Variants in CATSPERD observed in about 807,000 individuals in gnomAD.
CATSPERD encodes catsper channel auxiliary subunit delta.
In CATSPERD, 86 loss-of-function variants were observed where a neutral mutation model predicts 98.1. The ratio of observed to expected loss-of-function variants is 0.88; its 90% CI spans 0.74 to 1.05. The LOEUF (loss-of-function observed/expected upper bound fraction) is 1.05, where lower values mean the gene tolerates loss of function less well. Among genes scored for constraint, CATSPERD ranks in the 50% least tolerant of loss-of-function variants. The probability of loss-of-function intolerance (pLI) is 0.00; values close to 1 mark genes in which losing one functional copy is unlikely to be tolerated. For missense variants in CATSPERD, 995 were observed against 1,005.7 expected (o/e 0.99, Z 0.14); for synonymous variants, 394 against 390.2 (o/e 1.01, Z -0.12).
intron 7 of CATSPERD, among the ~76,000 whole-genome samples, chr19:5,743,011 A>AC (rs1217936457): frequency 6.6e-6 from 1 of 151,948 alleles, no homozygotes; most frequent in African/African-American, 2.4e-5. Context: ...GGATTAAATT[A>AC]AGGATCTTGA....
chr19:5,776,877 C>CAAA (rs35462774), intron 21 of CATSPERD, among the ~76,000 whole-genome samples: 6 of 119,544 alleles, frequency 5.0e-5, no homozygotes, highest in Non-Finnish European at 7.1e-5. Flanking sequence ...GACTCCATCT[C>CAAA]AAAAAAAAAA....
chr19:5,741,797 G>C (rs1323208626), intron 7 of CATSPERD, among the ~76,000 whole-genome samples: 1 of 90,242 alleles, frequency 1.1e-5, no homozygotes, highest in African/African-American at 3.6e-5. Flanking sequence ...GGGGGGGGGG[G>C]GTGGTGTGGA....
chr19:5,736,917 C>T lies in CATSPERD; in HGVS notation c.392-221C>T, dbSNP rs1252851050. Among the ~76,000 whole-genome samples the T allele has an allele frequency of 5.3e-5, 8 of 151,422 alleles. No homozygotes were observed. The South Asian group carries it at 1.5e-3, about 28-fold the overall frequency. ...CTAAAAATACAAAAAATTAGCCGGG[C>T]GTGGTGGTGGGTGCCTGTAGTCCCA... On this transcript the variant is annotated intron_variant, in intron 5 of 21. Transcript: ENST00000381624.
chr19:5,775,075 C>T (rs1328012688), intron 20 of CATSPERD, among the ~76,000 whole-genome samples: 8 of 152,164 alleles, frequency 5.3e-5, no homozygotes, highest in Admixed American at 5.2e-4. Flanking sequence ...ATTAAGCCTC[C>T]AGCCTCCACA....
intron 9 of CATSPERD, among the ~76,000 whole-genome samples, chr19:5,747,308 G>A (rs1403568879): frequency 6.6e-6 from 1 of 150,986 alleles, no homozygotes; most frequent in African/African-American, 2.4e-5. Flanking sequence ...CCAGTAACTG[G>A]GACTACAGGT....
At position 5,730,561 on chromosome 19, in the gene CATSPERD, A is replaced by AAAATAAATAAATAAATAAAT. The variant is rs71172757; in HGVS notation, c.276+635_276+636insATAAATAAATAAATAAATAA. 1.1e-4 allele frequency among the ~76,000 whole-genome samples: 16 copies of AAAATAAATAAATAAATAAAT among 149,288 alleles called. No individual in the cohort carries two copies. In the East Asian group the frequency reaches 2.4e-3, roughly 22 times the overall value. ...CTGTCTTAAAAAATAATAATAAAAT[A>AAAATAAATAAATAAATAAAT]AAATAAATAAATAAATAATAGATAG... On this transcript the variant is annotated intron_variant, in intron 4 of 21. Transcript: ENST00000381624.
intron 5 of CATSPERD, 54 bp from the exon 6 acceptor site, chr19:5,737,084 T>C (rs2055861856): frequency 3.2e-6 from 4 of 1,265,422 alleles, no homozygotes; most frequent in Non-Finnish European, 4.6e-6. Context: ...CAAAAAACTT[T>C]TCTCCAAACT....
intron 1 of CATSPERD, among the ~76,000 whole-genome samples, chr19:5,722,398 G>T (rs1024982757): frequency 2.0e-5 from 3 of 152,200 alleles, no homozygotes; most frequent in African/African-American, 7.2e-5. Flanking sequence ...TGGGCTTACA[G>T]GCGTGTGCCA....
intron 12 of CATSPERD, 57 bp downstream of exon 12, chr19:5,751,880 A>C: frequency 6.6e-7 from 1 of 1,509,822 alleles, no homozygotes; most frequent in Non-Finnish European, 9.0e-7. Flanking sequence ...AGACAAATTC[A>C]ACCTGGGCAT....
At chr19:5,762,579 A>G (rs572172947) in intron 15 of CATSPERD, among the ~76,000 whole-genome samples, 1 of 152,170 alleles carries the variant, frequency 6.6e-6, no homozygotes, top group African/African-American at 2.4e-5. Flanking sequence ...ATGGATAGAG[A>G]GATGGACGGA....
At chr19:5,753,372 A>AAC (rs1469541036) in intron 12 of CATSPERD, 16 of 167,958 alleles carry the variant, frequency 9.5e-5, no homozygotes, top group Middle Eastern at 3.1e-3. Context: ...CTTCCTGGCT[A>AAC]ACAGTGAAAC....
chr19:5,738,352 C>CAAAAAAAAAAAAAAA (rs767298084), intron 6 of CATSPERD, among the ~76,000 whole-genome samples: 28 of 104,900 alleles, frequency 2.7e-4, no homozygotes, highest in Non-Finnish European at 3.2e-4. Flanking sequence ...ACTCAAAATA[C>CAAAAAAAAAAAAAAA]AAAAAAAAAA....
In CATSPERD at chr19:5,750,254, C is replaced by T. The variant is rs915043230; in HGVS notation, c.987+1071C>T. Among the ~76,000 whole-genome samples, 4 of 149,652 alleles carry T rather than the reference C, an allele frequency of 2.7e-5. No individual in the cohort carries two copies. In the East Asian group the frequency reaches 8.0e-4, roughly 30 times the overall value. ...ACGAGTTCAGGAGATCGTGACCATC[C>T]TGGCTAACACGGTGAAACCCCGTCT... On this transcript the variant is annotated intron_variant, in intron 11 of 21. Transcript: ENST00000381624.
At position 5,768,260 on chromosome 19, in the gene CATSPERD, C is replaced by T. The variant is rs748756950; in HGVS notation, c.1634+18C>T. 28 of 1,608,046 alleles carry T rather than the reference C, an allele frequency of 1.7e-5. No homozygotes were observed. The highest frequency in any genetic ancestry group is 8.9e-5 in the East Asian group (4 of 44,774). ...ATCGAGAAGTAAGCCAGCGTCCCCCCGCAACACCTGACACCCAAGGCGACC... is the reference window on the plus strand; with the variant it reads ...ATCGAGAAGTAAGCCAGCGTCCCCCTGCAACACCTGACACCCAAGGCGACC... On this transcript the variant is annotated intron_variant, in intron 18 of 21. Coordinates refer to ENST00000381624, the MANE Select transcript of CATSPERD (RefSeq NM_152784.4).
intron 5 of CATSPERD, among the ~76,000 whole-genome samples, chr19:5,734,403 C>T (rs1243806765): frequency 6.6e-6 from 1 of 152,236 alleles, no homozygotes; most frequent in East Asian, 1.9e-4. Flanking sequence ...CTTTGGGAGA[C>T]TGAGGCGGGC....
chr19:5,747,226 G>A (rs1035699071), intron 9 of CATSPERD, among the ~76,000 whole-genome samples: 2 of 144,376 alleles, frequency 1.4e-5, no homozygotes, highest in African/African-American at 5.2e-5. Context: ...AGACTGGAGT[G>A]CAATGGTGCA....
intron 8 of CATSPERD, 114 bp downstream of exon 8, chr19:5,744,624 A>C: frequency 3.2e-6 from 2 of 628,688 alleles, no homozygotes; most frequent in Non-Finnish European, 5.0e-6. Flanking sequence ...TTTTTTAGAC[A>C]GAGTCTCGCT....
chr19:5,725,672 C>T (rs780231335), intron 2 of CATSPERD, among the ~76,000 whole-genome samples: 20 of 151,862 alleles, frequency 1.3e-4, no homozygotes, highest in Non-Finnish European at 2.1e-4. Flanking sequence ...GAGGCCGAGG[C>T]GGGCGGATCC....
intron 3 of CATSPERD, among the ~76,000 whole-genome samples, chr19:5,728,310 A>T (rs536208922): frequency 2.8e-5 from 4 of 144,440 alleles, no homozygotes; most frequent in African/African-American, 1.0e-4. Context: ...GTGAGCTGAG[A>T]TCGCACCACT....
Sources: allele counts gnomAD v4.1 joint callset (sites outside exome capture counted in the v4.1 genomes callset), GRCh38; gene constraint gnomAD v4.1.1; transcripts MANE v1.5; gene names NCBI Gene and HGNC (gene_info 2026-07-23, HGNC 2026-07-21).